Variants in DNAH11 observed in about 807,000 individuals in gnomAD.
DNAH11 encodes the protein dynein axonemal heavy chain 11.
In DNAH11, 442 loss-of-function variants were observed where a neutral mutation model predicts 526.0. That is an observed-to-expected ratio of 0.84 (90% CI 0.78 to 0.91). DNAH11 has a LOEUF of 0.91. DNAH11 is among the 40% of genes least tolerant of loss of function. The probability of loss-of-function intolerance (pLI) is 0.00; values close to 1 mark genes in which losing one functional copy is unlikely to be tolerated. For synonymous variants in DNAH11, 2,461 were observed against 1,935.9 expected (o/e 1.27, Z -7.12); for missense variants, 6,989 against 5,448.7 (o/e 1.28, Z -8.90).
chr7:21,646,805 C>T (rs1359510902), intron 28 of DNAH11, among the ~76,000 whole-genome samples: 1 of 152,066 alleles, frequency 6.6e-6, no homozygotes, highest in East Asian at 1.9e-4. Flanking sequence ...TCTTAAATAG[C>T]AATATCCAAA....
intron 66 of DNAH11, among the ~76,000 whole-genome samples, chr7:21,846,833 G>A (rs568731392): frequency 6.6e-6 from 1 of 152,096 alleles, no homozygotes; most frequent in African/African-American, 2.4e-5. Flanking sequence ...ATCTGGACCT[G>A]GTGCTTTCTG....
chr7:21,744,757 C>T, intron 50 of DNAH11, 113 bp from the exon 51 acceptor site: 1 of 1,433,600 alleles, frequency 7.0e-7, no homozygotes, highest in Non-Finnish European at 9.4e-7. Context: ...GAACATTCCA[C>T]CCACCTACCC....
At chr7:21,629,506 TA>T (rs1213512779) in intron 25 of DNAH11, among the ~76,000 whole-genome samples, 1 of 152,152 alleles carries the variant, frequency 6.6e-6, no homozygotes, top group Admixed American at 6.5e-5. Context: ...AATGGGGCGT[TA>T]AAGTCCTGTA....
At chr7:21,898,809 C>A (rs575496382) in intron 79 of DNAH11, among the ~76,000 whole-genome samples, 1 of 152,248 alleles carries the variant, frequency 6.6e-6, no homozygotes, top group African/African-American at 2.4e-5. Context: ...CCTAATTAAC[C>A]TTTTTCCTCC....
At chr7:21,657,589 C>T (rs1478889478) in intron 29 of DNAH11, among the ~76,000 whole-genome samples, 1 of 152,118 alleles carries the variant, frequency 6.6e-6, no homozygotes, top group Non-Finnish European at 1.5e-5. Context: ...ATATGGATCC[C>T]AGGGTATCCA....
At chr7:21,631,003 C>T (rs1311343298) in intron 25 of DNAH11, among the ~76,000 whole-genome samples, 1 of 152,092 alleles carries the variant, frequency 6.6e-6, no homozygotes. Flanking sequence ...ACGACATACC[C>T]AGGGCTGGGC....
chr7:21,598,436 G>T (rs1020050120), intron 14 of DNAH11, among the ~76,000 whole-genome samples: 1 of 152,068 alleles, frequency 6.6e-6, no homozygotes, highest in African/African-American at 2.4e-5. Context: ...GCCCCAACTG[G>T]CTTGTCCATT....
intron 45 of DNAH11, among the ~76,000 whole-genome samples, chr7:21,734,437 A>G (rs943254552): frequency 1.3e-5 from 2 of 152,256 alleles, no homozygotes; most frequent in African/African-American, 4.8e-5. Flanking sequence ...AATATTTTTT[A>G]AAGAGTTGTC....
At chr7:21,888,772 G>A (rs1020341434) in intron 76 of DNAH11, among the ~76,000 whole-genome samples, 15 of 152,110 alleles carry the variant, frequency 9.9e-5, no homozygotes, top group African/African-American at 3.6e-4. Flanking sequence ...ACAGGCATGA[G>A]CCACCATGCC....
intron 28 of DNAH11, among the ~76,000 whole-genome samples, chr7:21,649,010 C>T (rs1395840413): frequency 1.3e-5 from 2 of 152,172 alleles, no homozygotes; most frequent in African/African-American, 2.4e-5. Flanking sequence ...TATTCATTTT[C>T]CCTTCTCTTT....
rs116395717 is a variant in DNAH11 at position 21,853,234 on chromosome 7, C to G, written c.11061+603C>G. On this transcript the variant is annotated intron_variant, in intron 67 of 81. Transcript: ENST00000409508. ...TGCACTTTGGACTTTCACAGATGACCGTTAACCCTTAAAATGCCATTGTTT... is the reference window on the plus strand; with the variant it reads ...TGCACTTTGGACTTTCACAGATGACGGTTAACCCTTAAAATGCCATTGTTT... Among the ~76,000 whole-genome samples, 180 of 152,264 alleles carry G rather than the reference C, an allele frequency of 1.2e-3. 1 individual carries two copies. The highest frequency in any genetic ancestry group is 4.3e-3 in the African/African-American group (178 of 41,554).
intron 45 of DNAH11, among the ~76,000 whole-genome samples, chr7:21,732,067 C>T (rs1048632830): frequency 6.6e-6 from 1 of 152,148 alleles, no homozygotes; most frequent in Admixed American, 6.5e-5. Flanking sequence ...TGGAACATAC[C>T]TCGCCCAGGT....
intron 65 of DNAH11, among the ~76,000 whole-genome samples, chr7:21,836,356 C>G (rs1423911821): frequency 6.6e-6 from 1 of 152,018 alleles, no homozygotes; most frequent in Non-Finnish European, 1.5e-5. Context: ...AAGTATACTA[C>G]AAAGCTGTAT....
chr7:21,650,578 C>T (rs1199318812), intron 28 of DNAH11, among the ~76,000 whole-genome samples: 1 of 148,564 alleles, frequency 6.7e-6, no homozygotes, highest in African/African-American at 2.5e-5. Context: ...GATTCTTAAC[C>T]ATATTGCATG....
At chr7:21,550,787 C>T (rs920169776) in intron 2 of DNAH11, among the ~76,000 whole-genome samples, 1 of 152,110 alleles carries the variant, frequency 6.6e-6, no homozygotes, top group African/African-American at 2.4e-5. Context: ...TGACCACATT[C>T]CCAGTGGTGG....
chr7:21,554,117 A>T (rs1783128125), intron 2 of DNAH11, among the ~76,000 whole-genome samples: 1 of 136,672 alleles, frequency 7.3e-6, no homozygotes, highest in African/African-American at 2.7e-5. Flanking sequence ...GGACTTTTTG[A>T]TCCTTTTTAT....
At chr7:21,802,329 A>G (rs913356356) in intron 62 of DNAH11, among the ~76,000 whole-genome samples, 12 of 152,280 alleles carry the variant, frequency 7.9e-5, no homozygotes, top group Middle Eastern at 3.4e-3. Flanking sequence ...AAAAATATGG[A>G]CAGTAATAGT....
At chr7:21,567,672 A>C (rs114369653) in intron 6 of DNAH11, among the ~76,000 whole-genome samples, 6,228 of 152,262 alleles carry the variant, frequency 0.041, 138 homozygotes, top group South Asian at 0.063. Flanking sequence ...TTTCTGATCT[A>C]CTTTACTCAG....
At chr7:21,819,994 G>T (rs1789986409) in intron 65 of DNAH11, among the ~76,000 whole-genome samples, 1 of 152,172 alleles carries the variant, frequency 6.6e-6, no homozygotes, top group African/African-American at 2.4e-5. Flanking sequence ...CTGATTGCAT[G>T]CAGTTCTTAC....
Sources: allele counts gnomAD v4.1 joint callset (sites outside exome capture counted in the v4.1 genomes callset), GRCh38; gene constraint gnomAD v4.1.1; transcripts MANE v1.5; gene names NCBI Gene and HGNC (gene_info 2026-07-23, HGNC 2026-07-21).